Variants in TCFL5 observed in about 807,000 individuals in gnomAD.
TCFL5 encodes transcription factor-like 5 protein.
TCFL5 carries 9 observed loss-of-function variants against 44.3 expected under a neutral mutation model. That is an observed-to-expected ratio of 0.20 (90% CI 0.12 to 0.35). TCFL5 has a LOEUF of 0.35. Ranked by LOEUF, TCFL5 falls within the 10% of genes least tolerant of loss-of-function variation. The pLI, the probability that TCFL5 is intolerant of heterozygous loss-of-function variation, is 1.00. For synonymous variants in TCFL5, 319 were observed against 271.6 expected, an observed-to-expected ratio of 1.17 and a Z score of -1.72; for missense variants, 603 against 613.4, an observed-to-expected ratio of 0.98 and a Z score of 0.18.
chr20:62,849,971 A>G (rs2063787245), intron 5 of TCFL5, among the ~76,000 whole-genome samples: 1 of 152,156 alleles, frequency 6.6e-6, no homozygotes, highest in Admixed American at 6.5e-5. Context: ...AAAACAAAAC[A>G]AAATAAACAT....
intron 2 of TCFL5, among the ~76,000 whole-genome samples, 187 bp from the exon 3 acceptor site, chr20:62,859,713 GTTTTT>G (rs1234105412): frequency 6.9e-6 from 1 of 144,766 alleles, no homozygotes; most frequent in African/African-American, 2.7e-5. Context: ...GTATTTTTTT[GTTTTT>G]GTTTTTTTGT....
At chr20:62,846,085 T>C (rs958812646) in intron 5 of TCFL5, 52 of 1,320,308 alleles carry the variant, frequency 3.9e-5, no homozygotes, top group Admixed American at 1.6e-4. Context: ...AGCAAGTCCA[T>C]AACATGACGT....
chr20:62,841,008 G>A lies in TCFL5; in HGVS notation c.*967C>T, dbSNP rs886056916. The A allele has an allele frequency of 3.5e-5, 15 of 434,142 alleles. 2 individuals are homozygous for A. Among genetic ancestry groups the A allele is most frequent in the East Asian group, 1.3e-4 (3 of 22,302 alleles). The allele number at this position is 434,142 out of a possible 1,614,324, so 26.9% of individuals were successfully genotyped here. A position where few individuals can be genotyped will look rare whatever the true frequency, so the allele number is the denominator to read the frequency against. ...TAAAAGGTTGTGTACAACTCCACGA[G>A]GTGAAAAATATTCAGTAACTTGTTT... On this transcript the variant is annotated 3_prime_UTR_variant, in exon 6 of 6. Coordinates refer to ENST00000335351, the MANE Select transcript of TCFL5 (RefSeq NM_006602.4).
At chr20:62,860,100 A>G (rs780296786) in intron 2 of TCFL5, 25 bp downstream of exon 2, 6 of 1,587,060 alleles carry the variant, frequency 3.8e-6, no homozygotes, top group South Asian at 3.4e-5. Context: ...CAAAAGAGCA[A>G]AGCTTCACAA....
At chr20:62,857,676 ATTC>A (rs1017957311) in intron 3 of TCFL5, 38 bp from the exon 4 acceptor site, 2 of 1,599,858 alleles carry the variant, frequency 1.3e-6, no homozygotes, top group Non-Finnish European at 1.7e-6. Context: ...TTAATTTTGT[ATTC>A]TTATCTCAAT....
intron 5 of TCFL5, chr20:62,845,670 G>C (rs779079523): frequency 1.9e-6 from 3 of 1,606,504 alleles, no homozygotes; most frequent in Non-Finnish European, 2.6e-6. Flanking sequence ...GACCATGGCA[G>C]TATTTCATGA....
chr20:62,845,637 TCAC>T (rs775233353), intron 5 of TCFL5: 73 of 1,490,268 alleles, frequency 4.9e-5, no homozygotes, highest in African/African-American at 1.7e-4. Flanking sequence ...TGCTGGGGCG[TCAC>T]CCCTTCAGCA....
intron 5 of TCFL5, chr20:62,845,621 T>A: frequency 6.3e-7 from 1 of 1,594,722 alleles, no homozygotes. Flanking sequence ...GGAGCTGGTC[T>A]CGGACTGCTG....
At chr20:62,852,131 T>C (rs528927090) in intron 5 of TCFL5, 1 of 985,414 alleles carries the variant, frequency 1.0e-6, no homozygotes, top group East Asian at 1.1e-4. Flanking sequence ...AAGAGGTCCT[T>C]GTTTGTTGCA....
At chr20:62,850,387 G>A (rs187612459) in intron 5 of TCFL5, among the ~76,000 whole-genome samples, 6 of 151,458 alleles carry the variant, frequency 4.0e-5, no homozygotes, top group Admixed American at 2.0e-4. Flanking sequence ...CCAGAATGCC[G>A]AGATCCTGCT....
Position 62,861,429 on chromosome 20 carries a change from A to T in TCFL5, c.242T>A (p.Leu81Gln). 8.7e-7 allele frequency: 1 copy of T among 1,152,246 alleles called. No individual in the cohort carries two copies. Among genetic ancestry groups the T allele is most frequent in the African/African-American group, 1.7e-5 (1 of 60,460 alleles). 71.4% of individuals were successfully genotyped at this position (1,152,246 alleles called of 1,614,324 possible). The change falls in exon 1 of 6, where the codon CTG becomes CAG. Residue 81 changes from leucine (L) to glutamine (Q), a missense_variant. Coordinates refer to ENST00000335351, the MANE Select transcript of TCFL5 (RefSeq NM_006602.4). This position sits in a 1 kb window ranked among gnomAD's most constrained non-coding sequence, Gnocchi z 4.0. ...GELETRLNSALLAAAGPGAGA... is the reference protein window; with the variant it reads ...GELETRLNSAQLAAAGPGAGA... ...TGCGCCCGGGCCCGCCGCCGCCAGC[A>T]GCGCCGAGTTGAGGCGCGTCTCGAG...
rs772648462 is a variant in TCFL5, at chr20:62,842,332, A to G, written c.1381-235T>C. On this transcript the variant is annotated intron_variant, in intron 5 of 5. Coordinates refer to ENST00000335351, the MANE Select transcript of TCFL5 (RefSeq NM_006602.4). This position sits in a 1 kb window ranked among gnomAD's most constrained non-coding sequence, Gnocchi z 4.3. ...CTGTACATGTACTTTTGTTTTTCCA[A>G]TACTCAGAATGTCTGGCCACACTGT... 4.3e-4 allele frequency among the ~76,000 whole-genome samples: 66 copies of G among 152,082 alleles called. No individual in the cohort carries two copies. The highest frequency in any genetic ancestry group is 8.1e-4 in the Non-Finnish European group (55 of 68,026).
At chr20:62,851,619 G>A (rs947471807) in intron 5 of TCFL5, 66 of 984,816 alleles carry the variant, frequency 6.7e-5, no homozygotes, top group Admixed American at 1.2e-4. Context: ...ACATAGCATC[G>A]CTATAGAATG....
intron 2 of TCFL5, 119 bp downstream of exon 2, chr20:62,860,006 G>T: frequency 9.5e-7 from 1 of 1,054,772 alleles, no homozygotes; most frequent in Non-Finnish European, 1.4e-6. Flanking sequence ...TTGGCGCCCG[G>T]CTTAAAAGGT....
At chr20:62,852,015 A>C in intron 5 of TCFL5, 1 of 945,742 alleles carries the variant, frequency 1.1e-6, no homozygotes, top group Non-Finnish European at 1.3e-6. Flanking sequence ...CATGTTGGCC[A>C]AGCTGGTCTC....
intron 3 of TCFL5, among the ~76,000 whole-genome samples, chr20:62,858,086 C>A (rs1391714794): frequency 1.3e-5 from 2 of 151,222 alleles, no homozygotes; most frequent in Non-Finnish European, 2.9e-5. Flanking sequence ...GAAAAAAAAA[C>A]AATTATTCTA....
intron 1 of TCFL5, 150 bp from the exon 2 acceptor site, chr20:62,860,458 G>A: frequency 4.3e-6 from 3 of 693,212 alleles, no homozygotes; most frequent in Admixed American, 2.9e-5. Flanking sequence ...AACTATCGCT[G>A]CTGTGGAAGT....
intron 5 of TCFL5, chr20:62,851,524 C>T: frequency 3.0e-6 from 3 of 985,202 alleles, no homozygotes; most frequent in East Asian, 1.1e-4. Flanking sequence ...TTTATCAAAA[C>T]AAATCAACAG....
rs916056535 is a variant in TCFL5, at chr20:62,861,081, T to C, written c.590A>G (p.Glu197Gly). 2.0e-6 allele frequency: 2 copies of C among 995,510 alleles called. No individual in the cohort carries two copies. The highest frequency in any genetic ancestry group is 3.5e-5 in the African/African-American group (2 of 56,518). 61.7% of individuals were successfully genotyped at this position (995,510 alleles called of 1,614,324 possible). The change falls in exon 1 of 6, where the codon GAG becomes GGG. Residue 197 changes from glutamate to glycine, a missense_variant. Physicochemically the swap from Glu to Gly is moderately conservative, Grantham distance 98. This residue lies in a region of TCFL5 where 540 missense variants were observed against 478.7 expected (regional missense o/e 1.13). Coordinates refer to ENST00000335351, the MANE Select transcript of TCFL5 (RefSeq NM_006602.4). The surrounding 1 kb of genome is among the most constrained non-coding windows in gnomAD (Gnocchi z 4.0). ...GGGGCCGCGCGGCGCGGGCGGCGGC[T>C]CGGCGGGGATGCTGTTGAAGCGGTC... ...LEDRFNSIPAEPPPAPRGPEP... is the reference protein window; with the variant it reads ...LEDRFNSIPAGPPPAPRGPEP...
Sources: gnomAD v4.1 joint callset for allele counts (sites outside exome capture counted in the v4.1 genomes callset) on GRCh38, gnomAD v4.1.1 for gene constraint, gnomAD v4.1.1 regional missense constraint, Gnocchi (gnomAD v3.1) non-coding constraint, MANE v1.5 for transcripts, NCBI Gene and HGNC (gene_info 2026-07-23, HGNC 2026-07-21) for gene names.